SND1: variants seen among roughly 807,000 people sequenced by gnomAD.
SND1 encodes the protein staphylococcal nuclease domain-containing protein 1.
A neutral mutation model predicts 121.7 loss-of-function variants in SND1; 38 were observed. That is an observed-to-expected ratio of 0.31 (90% CI 0.24 to 0.41). SND1 has a LOEUF of 0.41. Ranked by LOEUF, SND1 falls within the 10% of genes least tolerant of loss-of-function variation. The probability of loss-of-function intolerance (pLI) is 1.00; values close to 1 mark genes in which losing one functional copy is unlikely to be tolerated. For missense variants in SND1, 868 were observed against 1,184.6 expected, an observed-to-expected ratio of 0.73 and a Z score of 3.92; for synonymous variants, 401 against 447.4, an observed-to-expected ratio of 0.90 and a Z score of 1.31.
At chr7:128,054,434 G>C (rs1793101714) in intron 16 of SND1, among the ~76,000 whole-genome samples, 1 of 152,190 alleles carries the variant, frequency 6.6e-6, no homozygotes, top group Non-Finnish European at 1.5e-5. Flanking sequence ...ATGCCCAAAG[G>C]GAAGTGGAGG....
intron 10 of SND1, among the ~76,000 whole-genome samples, chr7:127,736,503 A>G (rs1796778571): frequency 1.3e-5 from 2 of 152,200 alleles, no homozygotes; most frequent in African/African-American, 4.8e-5. Flanking sequence ...TTATGATTAT[A>G]TCTTTGTTCT....
intron 10 of SND1, among the ~76,000 whole-genome samples, chr7:127,743,150 C>T (rs1157674469): frequency 2.0e-5 from 3 of 152,150 alleles, no homozygotes; most frequent in Admixed American, 6.6e-5. Context: ...ACAAACTTAA[C>T]TTTTTTGGTG....
intron 12 of SND1, among the ~76,000 whole-genome samples, chr7:127,864,992 T>C (rs1799443585): frequency 6.6e-6 from 1 of 152,214 alleles, no homozygotes; most frequent in Non-Finnish European, 1.5e-5. Flanking sequence ...AGAAGCACCA[T>C]TTATATCTGT....
chr7:127,673,504 G>A (rs936983468), intron 1 of SND1, among the ~76,000 whole-genome samples: 1 of 152,026 alleles, frequency 6.6e-6, no homozygotes, highest in Non-Finnish European at 1.5e-5. Context: ...TAGAGACGGG[G>A]TTTTGCCATG....
chr7:127,885,133 A>G (rs2116725850), intron 12 of SND1, among the ~76,000 whole-genome samples: 1 of 152,266 alleles, frequency 6.6e-6, no homozygotes, highest in South Asian at 2.1e-4. Flanking sequence ...CTTTGTGCAA[A>G]ATACTGTGCT....
intron 1 of SND1, among the ~76,000 whole-genome samples, chr7:127,679,994 A>G (rs914176062): frequency 2.0e-5 from 3 of 151,978 alleles, no homozygotes; most frequent in Admixed American, 6.6e-5. Context: ...GTTCTTTTCT[A>G]TTTTCCCTAA....
intron 12 of SND1, among the ~76,000 whole-genome samples, chr7:127,866,605 T>G (rs1799483270): frequency 6.6e-6 from 1 of 152,172 alleles, no homozygotes. Context: ...GATCCAAGCA[T>G]TTCGTACCTG....
In SND1 at chr7:127,812,645, G is replaced by C. The variant is rs138410015; in HGVS notation, c.1242+5072G>C. On this transcript the variant is annotated intron_variant, in intron 11 of 23. Transcript: ENST00000354725. ...TGTAGGTGCTTGTTCCACTGTATGA[G>C]AATAGATCTCCGAAGGTACCGGGAG... 3.5e-3 allele frequency among the ~76,000 whole-genome samples: 527 copies of C among 152,334 alleles called. 2 individuals carry two copies. The highest frequency in any genetic ancestry group is 0.012 in the African/African-American group (482 of 41,578).
chr7:127,798,308 C>T (rs1326998443), intron 10 of SND1, among the ~76,000 whole-genome samples: 1 of 152,232 alleles, frequency 6.6e-6, no homozygotes, highest in African/African-American at 2.4e-5. Context: ...TCTGCTCTCA[C>T]TGTGGCTAGT....
At chr7:127,709,016 A>G (rs1485613142) in intron 9 of SND1, among the ~76,000 whole-genome samples, 1 of 152,154 alleles carries the variant, frequency 6.6e-6, no homozygotes, top group Non-Finnish European at 1.5e-5. Context: ...GTAATAGGTC[A>G]CAGAGTGGTC....
chr7:127,871,293 A>T (rs915990650), intron 12 of SND1, among the ~76,000 whole-genome samples: 12 of 152,330 alleles, frequency 7.9e-5, no homozygotes, highest in African/African-American at 2.9e-4. Context: ...TACATGCACC[A>T]TTAACATAGT....
chr7:128,048,359 G>GT (rs1792989097), intron 16 of SND1, among the ~76,000 whole-genome samples: 1 of 151,162 alleles, frequency 6.6e-6, no homozygotes, highest in South Asian at 2.1e-4. Context: ...CTTAAGCTCT[G>GT]TTAGTTGTGC....
At position 128,030,658 on chromosome 7, in the gene SND1, AT is replaced by A; in HGVS notation, c.1779+39604del. Reference sequence around the variant, plus strand: ...AGCTTCATGGTGTGGCACGTTCATAATTCACCATCGCCTGGGATTTTGGCTC... The same window carrying A: ...AGCTTCATGGTGTGGCACGTTCATAATCACCATCGCCTGGGATTTTGGCTC... On this transcript the variant is annotated intron_variant, in intron 16 of 23. Transcript: ENST00000354725. 3 of 1,532,076 alleles carry A rather than the reference AT, an allele frequency of 2.0e-6. No individual in the cohort carries two copies. In the Middle Eastern group the frequency reaches 5.3e-4, roughly 271 times the overall value. 94.9% of individuals were successfully genotyped at this position (1,532,076 alleles called of 1,614,324 possible). A position where few individuals can be genotyped will look rare whatever the true frequency, so the allele number is the denominator to read the frequency against.
At chr7:127,740,619 C>T (rs999519721) in intron 10 of SND1, among the ~76,000 whole-genome samples, 2 of 152,222 alleles carry the variant, frequency 1.3e-5, no homozygotes, top group African/African-American at 4.8e-5. Context: ...CATCAGAAAT[C>T]ACCCAGGTAG....
rs1291896111 is a variant in SND1, at chr7:127,707,573, A to G, written c.964A>G (p.Arg322Gly). The part of the protein sequence containing the change: ...RAAERFAKER[R>G]LRIWRDYVAP... ...TGTTGCCAGGTTTGCCAAAGAGCGC[A>G]GGCTGAGAATATGGAGAGACTATGT... The change falls in exon 9 of 24, where the codon AGG becomes GGG. Residue 322 changes from arginine (R) to glycine (G), a missense_variant. By Grantham distance (125) the Arg-to-Gly change is moderately radical (BLOSUM62 -2). This residue lies in a region of SND1 where 743 missense variants were observed against 1,071.3 expected (regional missense o/e 0.69). Coordinates refer to ENST00000354725, the MANE Select transcript of SND1 (RefSeq NM_014390.4). 2.5e-6 allele frequency: 4 copies of G among 1,614,018 alleles called. No homozygotes were observed. The highest frequency in any genetic ancestry group is 2.7e-5 in the African/African-American group (2 of 74,938).
At chr7:127,705,900 A>G (rs1365616099) in intron 8 of SND1, among the ~76,000 whole-genome samples, 1 of 152,190 alleles carries the variant, frequency 6.6e-6, no homozygotes, top group African/African-American at 2.4e-5. Context: ...ACGTGAATGA[A>G]TAACTATAGT....
At chr7:128,035,696 G>A (rs1792737733) in intron 16 of SND1, among the ~76,000 whole-genome samples, 1 of 152,208 alleles carries the variant, frequency 6.6e-6, no homozygotes, top group Non-Finnish European at 1.5e-5. Flanking sequence ...GTATGCCAGT[G>A]CAACTATACT....
intron 16 of SND1, among the ~76,000 whole-genome samples, chr7:128,024,335 G>A (rs976887132): frequency 3.9e-5 from 6 of 152,174 alleles, no homozygotes; most frequent in Non-Finnish European, 7.3e-5. Context: ...ATGGCATGGA[G>A]TGCTGAGTGC....
chr7:127,999,944 T>G (rs1802780549), intron 16 of SND1: 1 of 152,050 alleles, frequency 6.6e-6, no homozygotes, highest in South Asian at 2.1e-4. Flanking sequence ...GAGGTAGGGT[T>G]TGTGCTAGGA....
Sources: allele counts gnomAD v4.1 joint callset (sites outside exome capture counted in the v4.1 genomes callset), GRCh38; gene constraint gnomAD v4.1.1; regional missense constraint gnomAD v4.1.1; transcripts MANE v1.5; gene names NCBI Gene and HGNC (gene_info 2026-07-23, HGNC 2026-07-21).